The following CACNA2D3 variants were observed in gnomAD, a reference collection of about 807,000 sequenced individuals.
CACNA2D3 encodes calcium voltage-gated channel auxiliary subunit alpha2delta 3.
CACNA2D3 carries 60 observed loss-of-function variants against 160.6 expected under a neutral mutation model. The ratio of observed to expected loss-of-function variants is 0.37; its 90% confidence interval spans 0.30 to 0.46. The LOEUF is 0.46. CACNA2D3 is among the 20% of genes least tolerant of loss of function. The probability of loss-of-function intolerance (pLI) is 1.00; values close to 1 mark genes in which losing one functional copy is unlikely to be tolerated. For missense variants in CACNA2D3, 1,205 were observed against 1,365.0 expected, an observed-to-expected ratio of 0.88 and a Z score of 1.85; for synonymous variants, 558 against 492.9, an observed-to-expected ratio of 1.13 and a Z score of -1.75.
At chr3:54,784,476 C>T (rs1027333228) in intron 13 of CACNA2D3, among the ~76,000 whole-genome samples, 36 of 152,060 alleles carry the variant, frequency 2.4e-4, no homozygotes, top group Admixed American at 5.2e-4. Context: ...GTTTTGCTCC[C>T]CCCAAATAGT....
chr3:54,890,788 G>A (rs1404973485), intron 24 of CACNA2D3, among the ~76,000 whole-genome samples: 3 of 152,204 alleles, frequency 2.0e-5, no homozygotes, highest in Non-Finnish European at 4.4e-5. Flanking sequence ...AATAAGGCCT[G>A]TGGTCTGGTA....
At chr3:54,355,641 A>G (rs1009494889) in intron 3 of CACNA2D3, among the ~76,000 whole-genome samples, 8 of 152,182 alleles carry the variant, frequency 5.3e-5, no homozygotes, top group African/African-American at 1.9e-4. Context: ...GGCCATGTTA[A>G]GTTTGAGATG....
chr3:54,704,054 A>G (rs1431012971), intron 11 of CACNA2D3, among the ~76,000 whole-genome samples: 1 of 152,262 alleles, frequency 6.6e-6, no homozygotes, highest in East Asian at 1.9e-4. Flanking sequence ...ACAGCTTCAT[A>G]GAAATGTCAA....
chr3:54,593,818 T>C (rs887499780), intron 9 of CACNA2D3, among the ~76,000 whole-genome samples: 1 of 152,194 alleles, frequency 6.6e-6, no homozygotes, highest in African/African-American at 2.4e-5. Context: ...ATAATGCAGC[T>C]ATTTCACAGT....
intron 4 of CACNA2D3, among the ~76,000 whole-genome samples, chr3:54,412,355 G>T (rs932884476): frequency 2.0e-5 from 3 of 151,922 alleles, no homozygotes; most frequent in African/African-American, 7.2e-5. Flanking sequence ...AAATATGATT[G>T]TGGATTTGTT....
intron 2 of CACNA2D3, among the ~76,000 whole-genome samples, chr3:54,272,618 A>T (rs1458214128): frequency 2.0e-5 from 3 of 152,066 alleles, no homozygotes; most frequent in African/African-American, 7.2e-5. Context: ...CTTGTCCCAG[A>T]CACAGCTGGG....
At chr3:55,030,802 T>C (rs1244978260) in intron 35 of CACNA2D3, among the ~76,000 whole-genome samples, 1 of 152,160 alleles carries the variant, frequency 6.6e-6, no homozygotes, top group Non-Finnish European at 1.5e-5. Context: ...ATGGATGTTG[T>C]TGTGTAGGTG....
chr3:54,134,476 T>C (rs1321272051), intron 2 of CACNA2D3, among the ~76,000 whole-genome samples: 2 of 152,084 alleles, frequency 1.3e-5, no homozygotes, highest in African/African-American at 4.8e-5. Context: ...CCGCCCAGCC[T>C]TTTCCCTGTC....
At chr3:55,023,545 T>C (rs1703504082) in intron 35 of CACNA2D3, among the ~76,000 whole-genome samples, 1 of 152,204 alleles carries the variant, frequency 6.6e-6, no homozygotes. Context: ...GTATCAATCC[T>C]CTTTTTTCTT....
At chr3:54,317,607 G>A (rs111229224) in intron 2 of CACNA2D3, among the ~76,000 whole-genome samples, 12,749 of 152,118 alleles carry the variant, frequency 0.084, 605 homozygotes, top group Middle Eastern at 0.14. Context: ...GCGCGATCGC[G>A]GCTCACTGCA....
At chr3:54,999,206 AC>A (rs1417600412) in intron 31 of CACNA2D3, among the ~76,000 whole-genome samples, 1 of 152,204 alleles carries the variant, frequency 6.6e-6, no homozygotes, top group Non-Finnish European at 1.5e-5. Flanking sequence ...GATGACTGAT[AC>A]GAGCAGGAGA....
chr3:54,616,972 T>C (rs1698866155), intron 9 of CACNA2D3, among the ~76,000 whole-genome samples: 1 of 152,192 alleles, frequency 6.6e-6, no homozygotes, highest in Non-Finnish European at 1.5e-5. Context: ...GGGCATTCTC[T>C]TTCTGCTGGG....
At chr3:54,540,886 G>GA (rs1338030131) in intron 5 of CACNA2D3, among the ~76,000 whole-genome samples, 4 of 152,132 alleles carry the variant, frequency 2.6e-5, no homozygotes, top group South Asian at 2.1e-4. Context: ...AACCTTATAT[G>GA]AAAAATAGGG....
At chr3:54,250,106 C>T (rs761071400) in intron 2 of CACNA2D3, among the ~76,000 whole-genome samples, 1 of 152,130 alleles carries the variant, frequency 6.6e-6, no homozygotes, top group Non-Finnish European at 1.5e-5. Context: ...GTGTCATTGC[C>T]GCAGTTTTCT....
chr3:54,973,944 C>G (rs79625182), intron 29 of CACNA2D3, among the ~76,000 whole-genome samples: 1,637 of 152,198 alleles, frequency 0.011, 25 homozygotes, highest in African/African-American at 0.037. Flanking sequence ...GATTCAGGCC[C>G]CACCCTCAGA....
At chr3:54,550,869 A>G (rs1263963726) in intron 5 of CACNA2D3, among the ~76,000 whole-genome samples, 3 of 152,090 alleles carry the variant, frequency 2.0e-5, no homozygotes, top group Non-Finnish European at 4.4e-5. Flanking sequence ...CAAAACCTCG[A>G]CCAACACGTG....
At chr3:54,708,045 T>C (rs528281679) in intron 11 of CACNA2D3, among the ~76,000 whole-genome samples, 82 of 152,294 alleles carry the variant, frequency 5.4e-4, no homozygotes, top group African/African-American at 1.7e-3. Context: ...GAACAATGAA[T>C]GAAGGTTATG....
At chr3:54,177,608 C>T (rs1164608263) in intron 2 of CACNA2D3, among the ~76,000 whole-genome samples, 1 of 152,160 alleles carries the variant, frequency 6.6e-6, no homozygotes, top group African/African-American at 2.4e-5. Flanking sequence ...TTTTAGGAAA[C>T]GTCTTTACTT....
At chr3:55,002,236 G>A (rs188809555) in intron 31 of CACNA2D3, among the ~76,000 whole-genome samples, 56 of 152,030 alleles carry the variant, frequency 3.7e-4, no homozygotes, top group South Asian at 2.7e-3. Context: ...TGCATCCATG[G>A]CTATGAGACT....
Sources: gnomAD v4.1 joint callset for allele counts (sites outside exome capture counted in the v4.1 genomes callset) on GRCh38, gnomAD v4.1.1 for gene constraint, MANE v1.5 for transcripts, NCBI Gene and HGNC (gene_info 2026-07-23, HGNC 2026-07-21) for gene names.